CCDC198: variants seen among roughly 807,000 people sequenced by gnomAD.
The protein encoded by CCDC198 is factor associated with metabolism and energy.
CCDC198 carries 18 observed loss-of-function variants against 35.6 expected under a neutral mutation model. The ratio of observed to expected loss-of-function variants is 0.51; its 90% CI spans 0.35 to 0.75. The LOEUF is 0.75. Ranked by LOEUF, CCDC198 falls within the 30% of genes least tolerant of loss-of-function variation. The pLI is 0.01. For missense variants in CCDC198, 365 were observed against 343.7 expected, an observed-to-expected ratio of 1.06 and a Z score of -0.49; for synonymous variants, 119 against 113.4, an observed-to-expected ratio of 1.05 and a Z score of -0.31.
chr14:57,487,116 T>C lies in CCDC198; in HGVS notation c.306+3873A>G, dbSNP rs2067388542. On this transcript the variant is annotated intron_variant, in intron 2 of 5. Coordinates refer to ENST00000216445, the MANE Select transcript of CCDC198 (RefSeq NM_018168.4). ...GGTTTGTGTGCATGTTCCTTTTCCC[T>C]GCCCAGGAAGTGAGATGCCTCACTT... Among the ~76,000 whole-genome samples, 2 of 152,194 alleles carry C rather than the reference T, an allele frequency of 1.3e-5. 1 individual carries two copies. The highest frequency in any genetic ancestry group is 4.1e-4 in the South Asian group (2 of 4,830).
rs953620961 is a variant in CCDC198 at position 57,492,441 on chromosome 14, T to C, written c.223+1052A>G. 7.2e-5 allele frequency among the ~76,000 whole-genome samples: 11 copies of C among 152,200 alleles called. 1 individual carries two copies. The South Asian group carries it at 1.4e-3, about 20-fold the overall frequency. Reference sequence around the variant, plus strand: ...TTTGGATAAAAAGGGAATTCCTCAATAGGAGCATTGCATACTCTTAGTACA... The same window carrying C: ...TTTGGATAAAAAGGGAATTCCTCAACAGGAGCATTGCATACTCTTAGTACA... On this transcript the variant is annotated intron_variant, in intron 1 of 5. Transcript: ENST00000216445.
chr14:57,476,947 C>A (rs144233222), intron 5 of CCDC198, among the ~76,000 whole-genome samples: 1 of 152,210 alleles, frequency 6.6e-6, no homozygotes, highest in African/African-American at 2.4e-5. Flanking sequence ...GGACAAATGC[C>A]GAGCACAGAG....
At chr14:57,476,767 C>G (rs533460474) in intron 5 of CCDC198, among the ~76,000 whole-genome samples, 1 of 152,198 alleles carries the variant, frequency 6.6e-6, no homozygotes, top group South Asian at 2.1e-4. Flanking sequence ...ACCTTAATGA[C>G]CAGACCCTGA....
At position 57,470,869 on chromosome 14, in the gene CCDC198, T is replaced by G. The variant is rs2066800675; in HGVS notation, c.*486A>C. On this transcript the variant is annotated 3_prime_UTR_variant, in exon 6 of 6. Coordinates refer to ENST00000216445, the MANE Select transcript of CCDC198 (RefSeq NM_018168.4). ...GACTGGCAACTTCTGTTTCCTCCTC[T>G]TGAGACAATTGCTTTTGGGAGCCCT... 6.5e-6 allele frequency: 1 copy of G among 153,284 alleles called. No individual in the cohort carries two copies. 9.5% of individuals were successfully genotyped at this position (153,284 alleles called of 1,614,324 possible). A position where few individuals can be genotyped will look rare whatever the true frequency, so the allele number is the denominator to read the frequency against.
At chr14:57,479,486 A>G (rs949888843) in intron 5 of CCDC198, among the ~76,000 whole-genome samples, 1 of 152,118 alleles carries the variant, frequency 6.6e-6, no homozygotes, top group Admixed American at 6.5e-5. Flanking sequence ...ATTTTATGAG[A>G]TTACTCTGAT....
rs1278140284 is a variant in CCDC198, at chr14:57,469,976, T to C, written c.*1379A>G. 3 of 152,222 alleles carry C rather than the reference T, an allele frequency of 2.0e-5. No individual in the cohort carries two copies. Among genetic ancestry groups the C allele is most frequent in the African/African-American group, 7.2e-5 (3 of 41,454 alleles). 9.4% of individuals were successfully genotyped at this position (152,222 alleles called of 1,614,324 possible). A position where few individuals can be genotyped will look rare whatever the true frequency, so the allele number is the denominator to read the frequency against. Reference sequence around the variant, plus strand: ...GATTCTGGATTGCTTGAAATTATTTTTAGATTATGCTAAACATGGAGCTGC... The same window carrying C: ...GATTCTGGATTGCTTGAAATTATTTCTAGATTATGCTAAACATGGAGCTGC... On this transcript the variant is annotated 3_prime_UTR_variant, in exon 6 of 6. Coordinates refer to ENST00000216445, the MANE Select transcript of CCDC198 (RefSeq NM_018168.4).
intron 1 of CCDC198, among the ~76,000 whole-genome samples, chr14:57,493,119 T>A (rs969916230): frequency 3.3e-5 from 5 of 152,298 alleles, no homozygotes; most frequent in Admixed American, 2.6e-4. Context: ...GAGAGAATGA[T>A]TTAAATTTAG....
Position 57,471,526 on chromosome 14 carries a change from A to G in CCDC198, c.720T>C (p.Ile240=), listed in dbSNP as rs1263590228. 7 of 1,613,410 alleles carry G rather than the reference A, an allele frequency of 4.3e-6. No individual in the cohort carries two copies. In the Admixed American group the frequency reaches 5.0e-5, roughly 12 times the overall value. ...QAVNNYCPWK[I]GKMETWLHEQ... ...CATGAAGCCATGTTTCCATTTTGCC[A>G]ATTTTCCAGGGACAGTAGTTATTCA... The change falls in exon 6 of 6, where the codon ATT becomes ATC. Residue 240 remains isoleucine, a synonymous_variant. Transcript: ENST00000216445.
chr14:57,493,285 CA>C (rs2067638861), intron 1 of CCDC198, among the ~76,000 whole-genome samples: 1 of 152,130 alleles, frequency 6.6e-6, no homozygotes, highest in Non-Finnish European at 1.5e-5. Context: ...GTCCTTTGTA[CA>C]GTTTATACTC....
intron 2 of CCDC198, among the ~76,000 whole-genome samples, chr14:57,486,166 G>C (rs1282331902): frequency 6.6e-6 from 1 of 152,156 alleles, no homozygotes; most frequent in Admixed American, 6.5e-5. Flanking sequence ...AAATATTTGT[G>C]CCATCCTCTG....
At chr14:57,479,797 G>A (rs748707557) in intron 5 of CCDC198, among the ~76,000 whole-genome samples, 4 of 152,104 alleles carry the variant, frequency 2.6e-5, no homozygotes, top group Admixed American at 6.5e-5. Context: ...ACTCTGGCTG[G>A]GGCCCTAACA....
intron 5 of CCDC198, among the ~76,000 whole-genome samples, chr14:57,477,037 C>T (rs2067021427): frequency 6.6e-6 from 1 of 152,194 alleles, no homozygotes; most frequent in Non-Finnish European, 1.5e-5. Context: ...CTGGCTGTGA[C>T]CTTGCATATG....
chr14:57,488,987 C>G (rs1351303472), intron 2 of CCDC198, among the ~76,000 whole-genome samples: 1 of 152,090 alleles, frequency 6.6e-6, no homozygotes, highest in Admixed American at 6.6e-5. Flanking sequence ...GACCTAGAGG[C>G]AGAAATACCA....
chr14:57,477,034 T>C (rs971853664), intron 5 of CCDC198, among the ~76,000 whole-genome samples: 1 of 152,230 alleles, frequency 6.6e-6, no homozygotes, highest in African/African-American at 2.4e-5. Context: ...TGGCTGGCTG[T>C]GACCTTGCAT....
chr14:57,487,387 G>T (rs1179277590), intron 2 of CCDC198, among the ~76,000 whole-genome samples: 1 of 152,138 alleles, frequency 6.6e-6, no homozygotes, highest in African/African-American at 2.4e-5. Context: ...ATTGGTCAGG[G>T]TGGGTCTTAT....
At chr14:57,493,450 C>A (rs1344525650) in intron 1 of CCDC198, 43 bp downstream of exon 1, 2 of 1,505,554 alleles carry the variant, frequency 1.3e-6, no homozygotes, top group Admixed American at 3.4e-5. Context: ...AATAATGCTC[C>A]TTGGTCCAGA....
At chr14:57,476,952 ACAGAGGTGAAGGCTGTCGCCT>A (rs2067018166) in intron 5 of CCDC198, among the ~76,000 whole-genome samples, 1 of 152,246 alleles carries the variant, frequency 6.6e-6, no homozygotes, top group Non-Finnish European at 1.5e-5. Flanking sequence ...AATGCCGAGC[ACAGAGGTGAAGGCTGTCGCCT>A]CAGGAGTCAG....
At position 57,470,873 on chromosome 14, in the gene CCDC198, G is replaced by A. The variant is rs549220558; in HGVS notation, c.*482C>T. Reference sequence around the variant, plus strand: ...GGCAACTTCTGTTTCCTCCTCTTGAGACAATTGCTTTTGGGAGCCCTGGGC... The same window carrying A: ...GGCAACTTCTGTTTCCTCCTCTTGAAACAATTGCTTTTGGGAGCCCTGGGC... On this transcript the variant is annotated 3_prime_UTR_variant, in exon 6 of 6. Transcript: ENST00000216445. 6.5e-6 allele frequency: 1 copy of A among 153,330 alleles called. No homozygotes were observed. The highest frequency in any genetic ancestry group is 1.9e-4 in the East Asian group (1 of 5,196). The allele number at this position is 153,330 out of a possible 1,614,324, so 9.5% of individuals were successfully genotyped here. A position where few individuals can be genotyped will look rare whatever the true frequency, so the allele number is the denominator to read the frequency against.
At chr14:57,489,298 C>G (rs964546690) in intron 2 of CCDC198, among the ~76,000 whole-genome samples, 3 of 152,134 alleles carry the variant, frequency 2.0e-5, no homozygotes, top group Non-Finnish European at 4.4e-5. Flanking sequence ...ACTACATGTT[C>G]TCACTTATAA....
Sources: allele counts gnomAD v4.1 joint callset (sites outside exome capture counted in the v4.1 genomes callset), GRCh38; gene constraint gnomAD v4.1.1; transcripts MANE v1.5; gene names NCBI Gene and HGNC (gene_info 2026-07-23, HGNC 2026-07-21).